PJA2: variants seen among roughly 807,000 people sequenced by gnomAD.
PJA2 encodes the protein E3 ubiquitin-protein ligase Praja-2.
Under a neutral mutation model 69.3 loss-of-function variants are expected in PJA2, and 25 were observed. The observed-to-expected ratio is 0.36, with a 90% CI of 0.26 to 0.50. The LOEUF (loss-of-function observed/expected upper bound fraction) is 0.50, where lower values mean the gene tolerates loss of function less well. Among genes scored for constraint, PJA2 ranks in the 20% least tolerant of loss-of-function variants. PJA2 has a pLI of 0.96. For missense variants in PJA2, 809 were observed against 830.2 expected (o/e 0.97, Z 0.31); for synonymous variants, 308 against 277.8 (o/e 1.11, Z -1.08).
chr5:109,351,775 C>T (rs796950975), intron 7 of PJA2, among the ~76,000 whole-genome samples: 14 of 152,110 alleles, frequency 9.2e-5, no homozygotes, highest in African/African-American at 3.4e-4. Flanking sequence ...AAAGCAACTA[C>T]TTCCAAAAAG....
chr5:109,337,222 T>C lies in PJA2; in HGVS notation c.*9A>G, dbSNP rs760045545. ...TTTGATACACTGATCTCATTTCAAC[T>C]GTCAAGGTTTAGGGTGCTTCTGCAA... is the stretch of plus-strand genomic sequence containing the variant. On this transcript the variant is annotated 3_prime_UTR_variant, in exon 10 of 10. Coordinates refer to ENST00000361189, the MANE Select transcript of PJA2 (RefSeq NM_014819.5). 1.1e-5 allele frequency: 17 copies of C among 1,612,582 alleles called. No homozygotes were observed. The highest frequency in any genetic ancestry group is 1.7e-4 in the Middle Eastern group (1 of 5,848).
At chr5:109,354,301 GAGATATCTAT>G (rs1213045125) in intron 7 of PJA2, among the ~76,000 whole-genome samples, 1 of 147,934 alleles carries the variant, frequency 6.8e-6, no homozygotes, top group African/African-American at 2.5e-5. Context: ...ATGATATCTA[GAGATATCTAT>G]AGATTAGATA....
At chr5:109,389,711 T>C (rs1180577104) in intron 1 of PJA2, among the ~76,000 whole-genome samples, 4 of 152,030 alleles carry the variant, frequency 2.6e-5, no homozygotes, top group Non-Finnish European at 5.9e-5. Flanking sequence ...TAAACCTTTG[T>C]TCTTTACTAA....
intron 6 of PJA2, among the ~76,000 whole-genome samples, chr5:109,357,071 T>C: frequency 6.6e-6 from 1 of 152,190 alleles, no homozygotes; most frequent in Non-Finnish European, 1.5e-5. Flanking sequence ...TTTTCTTCAA[T>C]TATCCTCTCT....
intron 8 of PJA2, 146 bp downstream of exon 8, chr5:109,344,559 A>T: frequency 1.6e-6 from 1 of 641,208 alleles, no homozygotes; most frequent in Non-Finnish European, 2.6e-6. Context: ...TTCTTGTACT[A>T]GGTGAAAGTT....
At chr5:109,381,837 C>T (rs1169324936) in intron 2 of PJA2, 134 bp from the exon 3 acceptor site, 13 of 686,198 alleles carry the variant, frequency 1.9e-5, no homozygotes, top group Middle Eastern at 6.8e-4. Flanking sequence ...GTGTACCTTA[C>T]TAGTACTATA....
At chr5:109,381,386 T>C (rs1187287069) in intron 3 of PJA2, 117 bp downstream of exon 3, 5 of 674,608 alleles carry the variant, frequency 7.4e-6, no homozygotes, top group African/African-American at 3.6e-5. Context: ...AATTTCTTGA[T>C]AGGAAGTGTG....
At chr5:109,395,124 C>T (rs1323864959) in intron 1 of PJA2, among the ~76,000 whole-genome samples, 1 of 152,126 alleles carries the variant, frequency 6.6e-6, no homozygotes, top group Admixed American at 6.5e-5. Flanking sequence ...ACTCTCAACC[C>T]AGGTCAGAAT....
intron 1 of PJA2, among the ~76,000 whole-genome samples, chr5:109,393,393 C>A (rs1458717004): frequency 6.6e-6 from 1 of 152,184 alleles, no homozygotes; most frequent in East Asian, 1.9e-4. Flanking sequence ...AAATATACAT[C>A]TCTGCATTCA....
At chr5:109,396,991 T>G (rs1372272691) in intron 1 of PJA2, among the ~76,000 whole-genome samples, 1 of 152,212 alleles carries the variant, frequency 6.6e-6, no homozygotes, top group Non-Finnish European at 1.5e-5. Context: ...CACATTGCGG[T>G]GGTATTAAAA....
At chr5:109,372,304 A>G (rs538803732) in intron 4 of PJA2, among the ~76,000 whole-genome samples, 4 of 152,340 alleles carry the variant, frequency 2.6e-5, no homozygotes, top group Non-Finnish European at 4.4e-5. Flanking sequence ...AGAATGCTCT[A>G]TTTCAAACAG....
At position 109,336,740 on chromosome 5, in the gene PJA2, A is replaced by G. The variant is rs1248459439; in HGVS notation, c.*491T>C. On this transcript the variant is annotated 3_prime_UTR_variant, in exon 10 of 10. Transcript: ENST00000361189. ...AAATGGACTTTCTGAAAAATTTCTC[A>G]GCATATGAACCAAGAGGTTATGATA... 6.6e-6 allele frequency: 1 copy of G among 152,248 alleles called. No homozygotes were observed. The highest frequency in any genetic ancestry group is 1.5e-5 in the Non-Finnish European group (1 of 68,040). 9.4% of individuals were successfully genotyped at this position (152,248 alleles called of 1,614,324 possible).
intron 7 of PJA2, among the ~76,000 whole-genome samples, chr5:109,352,512 C>A (rs1762270284): frequency 6.6e-6 from 1 of 152,066 alleles, no homozygotes; most frequent in African/African-American, 2.4e-5. Flanking sequence ...TCTTATGTGT[C>A]AGAATTTGCC....
chr5:109,342,196 T>G (rs1401555431), intron 9 of PJA2, among the ~76,000 whole-genome samples: 1 of 18,712 alleles, frequency 5.3e-5, no homozygotes, highest in African/African-American at 2.4e-4. Context: ...GGGAGGGAGG[T>G]GGGGGGGGGT....
At chr5:109,394,039 C>CTTT (rs75679188) in intron 1 of PJA2, among the ~76,000 whole-genome samples, 1,496 of 81,654 alleles carry the variant, frequency 0.018, 35 homozygotes, top group Non-Finnish European at 0.028. Flanking sequence ...TTCTAATTCT[C>CTTT]TTTTTTTTTT....
intron 1 of PJA2, among the ~76,000 whole-genome samples, chr5:109,398,581 A>C (rs1747469012): frequency 7.4e-6 from 1 of 134,752 alleles, no homozygotes; most frequent in Non-Finnish European, 1.5e-5. Context: ...GAACTGAACA[A>C]GGAGAACCCT....
chr5:109,376,971 G>A (rs1056220620), intron 4 of PJA2, among the ~76,000 whole-genome samples: 2 of 151,998 alleles, frequency 1.3e-5, no homozygotes, highest in African/African-American at 4.8e-5. Context: ...AGGCTTTGTG[G>A]CCAATTTCTG....
At chr5:109,366,054 A>C (rs916981661) in intron 5 of PJA2, among the ~76,000 whole-genome samples, 1 of 152,164 alleles carries the variant, frequency 6.6e-6, no homozygotes, top group African/African-American at 2.4e-5. Context: ...CCCAGATATT[A>C]GAACTTTTTT....
intron 1 of PJA2, among the ~76,000 whole-genome samples, chr5:109,395,809 A>G (rs1156586267): frequency 6.6e-6 from 1 of 151,624 alleles, no homozygotes; most frequent in Non-Finnish European, 1.5e-5. Flanking sequence ...GACCAGCCTG[A>G]CTAACGTGGT....
Sources: gnomAD v4.1 joint callset for allele counts (sites outside exome capture counted in the v4.1 genomes callset) on GRCh38, gnomAD v4.1.1 for gene constraint, MANE v1.5 for transcripts, NCBI Gene and HGNC (gene_info 2026-07-23, HGNC 2026-07-21) for gene names.